Variants in ADGRL3 observed in about 807,000 individuals in gnomAD.
ADGRL3 encodes the protein calcium-independent alpha-latrotoxin receptor 3.
Under a neutral mutation model 153.5 loss-of-function variants are expected in ADGRL3, and 62 were observed. That is an observed-to-expected ratio of 0.40 (90% confidence interval 0.33 to 0.50). The LOEUF is 0.50. Ranked by LOEUF, ADGRL3 falls within the 20% of genes least tolerant of loss-of-function variation. The probability of loss-of-function intolerance (pLI) is 0.47; values close to 1 mark genes in which losing one functional copy is unlikely to be tolerated. For synonymous variants in ADGRL3, 710 were observed against 672.5 expected, an observed-to-expected ratio of 1.06 and a Z score of -0.86; for missense variants, 1,641 against 1,859.4, an observed-to-expected ratio of 0.88 and a Z score of 2.16.
chr4:61,884,468 T>A (rs1036232506), intron 9 of ADGRL3, among the ~76,000 whole-genome samples: 1 of 152,188 alleles, frequency 6.6e-6, no homozygotes, highest in African/African-American at 2.4e-5. Flanking sequence ...CTGAACTCTA[T>A]AGCAAGCTTT....
chr4:61,748,616 T>A (rs2096706986), intron 8 of ADGRL3, among the ~76,000 whole-genome samples: 1 of 152,146 alleles, frequency 6.6e-6, no homozygotes, highest in Non-Finnish European at 1.5e-5. Flanking sequence ...GGTAAAGGAT[T>A]CCCTATTTAA....
intron 24 of ADGRL3, among the ~76,000 whole-genome samples, chr4:62,040,462 T>C (rs1412599950): frequency 1.3e-5 from 2 of 152,048 alleles, no homozygotes; most frequent in South Asian, 2.1e-4. Flanking sequence ...GACTAATAAA[T>C]ACATTTCCCA....
At chr4:61,296,458 C>T (rs1019528035) in intron 1 of ADGRL3, among the ~76,000 whole-genome samples, 4 of 135,966 alleles carry the variant, frequency 2.9e-5, no homozygotes, top group Non-Finnish European at 6.5e-5. Flanking sequence ...TGCCTTTCAG[C>T]AGATTTGTAA....
intron 8 of ADGRL3, among the ~76,000 whole-genome samples, chr4:61,751,651 ATTAG>A (rs1301660109): frequency 2.0e-5 from 3 of 152,232 alleles, no homozygotes; most frequent in African/African-American, 7.2e-5. Flanking sequence ...GATTAGTAAG[ATTAG>A]TTAGAAACTT....
intron 1 of ADGRL3, among the ~76,000 whole-genome samples, chr4:61,340,093 G>C (rs1195734919): frequency 6.6e-6 from 1 of 152,144 alleles, no homozygotes; most frequent in African/African-American, 2.4e-5. Flanking sequence ...TTCATCTGAG[G>C]ATGCAGCACT....
chr4:61,928,324 T>G (rs1243229537), intron 13 of ADGRL3, among the ~76,000 whole-genome samples: 1 of 152,168 alleles, frequency 6.6e-6, no homozygotes, highest in Non-Finnish European at 1.5e-5. Flanking sequence ...GCTTTGGATT[T>G]CCTCTTCGGA....
rs370917963 is a variant in ADGRL3, at chr4:61,251,584, TG to T, written c.-240+49820del. ...CAACTTGTGGTTATCGCCAATGAGA[TG>T]ACAAGGAGTAAACATGATTAACTTT... On this transcript the variant is annotated intron_variant, in intron 1 of 26. Coordinates refer to ENST00000683033, the MANE Select transcript of ADGRL3 (RefSeq NM_001387552.1). 4.4e-3 allele frequency among the ~76,000 whole-genome samples: 674 copies of T among 152,314 alleles called. 2 individuals are homozygous for T. The highest frequency in any genetic ancestry group is 0.015 in the African/African-American group (616 of 41,572).
chr4:61,516,337 G>A (rs574103095), intron 3 of ADGRL3, among the ~76,000 whole-genome samples: 105 of 150,234 alleles, frequency 7.0e-4, no homozygotes, highest in African/African-American at 2.5e-3. Context: ...TTATTAATGT[G>A]TTTTTATACA....
intron 5 of ADGRL3, among the ~76,000 whole-genome samples, chr4:61,644,772 G>GA (rs2093880873): frequency 6.6e-6 from 1 of 152,170 alleles, no homozygotes. Context: ...TTGATTTGGG[G>GA]TGGAGAGTTC....
Position 61,319,239 on chromosome 4 carries a change from A to G in ADGRL3, c.-239-63885A>G, listed in dbSNP as rs185022662. Among the ~76,000 whole-genome samples, 31 of 152,306 alleles carry G rather than the reference A, an allele frequency of 2.0e-4. 1 individual carries two copies. Among genetic ancestry groups the G allele is most frequent in the African/African-American group, 7.5e-4 (31 of 41,564 alleles). On this transcript the variant is annotated intron_variant, in intron 1 of 26. Coordinates refer to ENST00000683033, the MANE Select transcript of ADGRL3 (RefSeq NM_001387552.1). ...GAAAAACACCACTCAATGAAAATAC[A>G]TGACAACTTTTAGTCTCATTCTGGA...
intron 5 of ADGRL3, among the ~76,000 whole-genome samples, chr4:61,675,534 A>C (rs1227732330): frequency 6.6e-6 from 1 of 151,634 alleles, no homozygotes; most frequent in African/African-American, 2.4e-5. Context: ...ATTAATTTCA[A>C]CATGTTTGTT....
intron 9 of ADGRL3, among the ~76,000 whole-genome samples, chr4:61,891,431 G>A (rs2098584636): frequency 6.6e-6 from 1 of 152,124 alleles, no homozygotes; most frequent in Non-Finnish European, 1.5e-5. Flanking sequence ...ATAGAAGAAA[G>A]AGGCAAAAGA....
rs2097389540 is a variant in ADGRL3, at chr4:61,794,903, T to C, written c.1400-18906T>C. On this transcript the variant is annotated intron_variant, in intron 8 of 26. Transcript: ENST00000683033. ...GTAAATTATTTTAAGGAAAGTTACT[T>C]ATTGTCATTGCTTTCACAATTACTT... Among the ~76,000 whole-genome samples, 3 of 152,182 alleles carry C rather than the reference T, an allele frequency of 2.0e-5. No individual in the cohort carries two copies. In the South Asian group the frequency reaches 6.2e-4, roughly 31 times the overall value.
At chr4:61,429,622 A>C (rs990851409) in intron 2 of ADGRL3, among the ~76,000 whole-genome samples, 2 of 152,122 alleles carry the variant, frequency 1.3e-5, no homozygotes, top group African/African-American at 4.8e-5. Flanking sequence ...AAGCTCTATA[A>C]ATTTTCATGT....
At chr4:61,359,863 G>T (rs2096255351) in intron 1 of ADGRL3, among the ~76,000 whole-genome samples, 1 of 152,114 alleles carries the variant, frequency 6.6e-6, no homozygotes, top group Admixed American at 6.6e-5. Flanking sequence ...AATATTCATT[G>T]AATGCATGAA....
intron 8 of ADGRL3, among the ~76,000 whole-genome samples, chr4:61,801,645 G>A (rs1197759488): frequency 6.6e-6 from 1 of 152,152 alleles, no homozygotes; most frequent in Non-Finnish European, 1.5e-5. Flanking sequence ...GTGAAGCCTC[G>A]TGGTATAAGG....
At chr4:61,542,799 A>AC (rs1323324206) in intron 4 of ADGRL3, among the ~76,000 whole-genome samples, 2 of 151,934 alleles carry the variant, frequency 1.3e-5, no homozygotes, top group Non-Finnish European at 2.9e-5. Context: ...CCATTCCTTC[A>AC]CCTCACATCC....
At chr4:61,973,594 C>A (rs1404233927) in intron 17 of ADGRL3, among the ~76,000 whole-genome samples, 1 of 152,088 alleles carries the variant, frequency 6.6e-6, no homozygotes, top group African/African-American at 2.4e-5. Flanking sequence ...CTGAAACTAT[C>A]TTCTGAGGAA....
At chr4:61,869,237 C>G (rs1217602504) in intron 9 of ADGRL3, among the ~76,000 whole-genome samples, 1 of 152,164 alleles carries the variant, frequency 6.6e-6, no homozygotes, top group South Asian at 2.1e-4. Flanking sequence ...AGCCACCATG[C>G]CCAGCCCATT....
Sources: allele counts gnomAD v4.1 joint callset (sites outside exome capture counted in the v4.1 genomes callset), GRCh38; gene constraint gnomAD v4.1.1; transcripts MANE v1.5; gene names NCBI Gene and HGNC (gene_info 2026-07-23, HGNC 2026-07-21).